ADAMTSL2: variants seen among roughly 807,000 people sequenced by gnomAD.
The protein encoded by ADAMTSL2 is ADAMTS-like protein 2.
Under a neutral mutation model 117.0 loss-of-function variants are expected in ADAMTSL2, and 55 were observed. The observed-to-expected ratio is 0.47, with a 90% CI of 0.38 to 0.59. The LOEUF (loss-of-function observed/expected upper bound fraction) is 0.59, where lower values mean the gene tolerates loss of function less well. ADAMTSL2 is among the 20% of genes least tolerant of loss of function. The pLI is 0.00. For synonymous variants in ADAMTSL2, 572 were observed against 566.4 expected, an observed-to-expected ratio of 1.01 and a Z score of -0.14; for missense variants, 1,182 against 1,354.5, an observed-to-expected ratio of 0.87 and a Z score of 2.00.
At chr9:133,541,490 T>C (rs564261883) in intron 7 of ADAMTSL2, among the ~76,000 whole-genome samples, 2 of 152,210 alleles carry the variant, frequency 1.3e-5, no homozygotes, top group Non-Finnish European at 2.9e-5. Context: ...GGTTTCACTA[T>C]GTTGGCCAGG....
At chr9:133,544,381 TCACCCTC>T (rs1830299309) in intron 7 of ADAMTSL2, 82 bp from the exon 8 acceptor site, 2 of 1,104,548 alleles carry the variant, frequency 1.8e-6, no homozygotes, top group Middle Eastern at 2.0e-4. Context: ...CAGCCACCGC[TCACCCTC>T]CAATAGCTGT....
chr9:133,572,983 C>A (rs1831145698), intron 17 of ADAMTSL2, among the ~76,000 whole-genome samples: 1 of 152,234 alleles, frequency 6.6e-6, no homozygotes, highest in Non-Finnish European at 1.5e-5. Context: ...GCCAGCCTCT[C>A]CTCGCCTGCA....
At chr9:133,567,137 C>G in intron 13 of ADAMTSL2, 75 bp downstream of exon 13, 2 of 1,534,076 alleles carry the variant, frequency 1.3e-6, no homozygotes, top group Non-Finnish European at 1.8e-6. Context: ...AGCAGTCAGA[C>G]TTACCCCCTG....
intron 13 of ADAMTSL2, among the ~76,000 whole-genome samples, chr9:133,567,749 G>A (rs1831007943): frequency 1.3e-5 from 2 of 152,232 alleles, no homozygotes; most frequent in African/African-American, 2.4e-5. Context: ...GGCTGGCCCG[G>A]GGGTGGGGTC....
At chr9:133,561,085 G>A in intron 11 of ADAMTSL2, 113 bp from the exon 12 acceptor site, 1 of 868,924 alleles carries the variant, frequency 1.2e-6, no homozygotes, top group East Asian at 2.6e-5. Flanking sequence ...CAGGACAGGT[G>A]TGTGCTTCAG....
chr9:133,558,985 CG>C lies in ADAMTSL2; in HGVS notation c.1650-2210del, dbSNP rs1346818523. On this transcript the variant is annotated intron_variant, in intron 11 of 18. Transcript: ENST00000651351. This position sits in a 1 kb window ranked among gnomAD's most constrained non-coding sequence, Gnocchi z 4.3. Reference sequence around the variant, plus strand: ...TAAAATCCAAAGGGTTATTTTGAACCGGGCCCGCTCTCTCTTGAGTCAGGCA... The same window carrying C: ...TAAAATCCAAAGGGTTATTTTGAACCGGCCCGCTCTCTCTTGAGTCAGGCA... Among the ~76,000 whole-genome samples the C allele has an allele frequency of 9.2e-5, 14 of 152,140 alleles. No homozygotes were observed. Among genetic ancestry groups the C allele is most frequent in the Non-Finnish European group, 1.3e-4 (9 of 68,032 alleles).
rs1000516152 is a variant in ADAMTSL2 at position 133,570,495 on chromosome 9, C to T, written c.2580C>T (p.Ser860=). 4.5e-5 allele frequency: 73 copies of T among 1,611,760 alleles called. No homozygotes were observed. The African/African-American group carries it at 9.3e-4, about 21-fold the overall frequency. The change falls in exon 17 of 19, where the codon AGC becomes AGT. Residue 860 remains serine, a synonymous_variant. Transcript: ENST00000651351. ...GGCCCTGCTTCAAGTGGTACACCAG[C>T]CCCTGGTCAGAGGTGAGCTCCCAGC... ...FERPCFKWYT[S]PWSECTKTCG...
At chr9:133,568,178 G>A in intron 13 of ADAMTSL2, 95 bp from the exon 14 acceptor site, 1 of 1,301,798 alleles carries the variant, frequency 7.7e-7, no homozygotes, top group Non-Finnish European at 1.1e-6. Flanking sequence ...CATAGGGGAG[G>A]AAGGGAGGAG....
intron 9 of ADAMTSL2, among the ~76,000 whole-genome samples, chr9:133,552,559 A>G (rs1830512489): frequency 6.6e-6 from 1 of 152,194 alleles, no homozygotes; most frequent in African/African-American, 2.4e-5. Flanking sequence ...GGGGAATGAA[A>G]TAGTTTCTGG....
Position 133,570,383 on chromosome 9 carries a change from A to G in ADAMTSL2, c.2468A>G (p.Glu823Gly). 7 of 1,564,234 alleles carry G rather than the reference A, an allele frequency of 4.5e-6. No individual in the cohort carries two copies. Among genetic ancestry groups the G allele is most frequent in the Non-Finnish European group, 6.1e-6 (7 of 1,156,024 alleles). Residue 823 changes from glutamate (E) to glycine (G), a missense_variant, in exon 17 of 19, where the codon GAG (glutamate) becomes GGG (glycine). Glu to Gly is a moderately conservative substitution (Grantham distance 98). Around this residue, in one of 3 missense-constraint regions of ADAMTSL2, gnomAD observed 465 missense variants for 565.3 expected, o/e 0.82. Transcript: ENST00000651351. Reference sequence around the variant, plus strand: ...AAGAAGCGGCTGGTGCTCTGCATGGAGCTGGCCAACGGGAAGCCGCAGACG... The same window carrying G: ...AAGAAGCGGCTGGTGCTCTGCATGGGGCTGGCCAACGGGAAGCCGCAGACG... ...GVKKRLVLCM[E>G]LANGKPQTRS...
intron 2 of ADAMTSL2, among the ~76,000 whole-genome samples, 175 bp from the exon 3 acceptor site, chr9:133,537,230 C>T (rs558718889): frequency 6.6e-6 from 1 of 152,316 alleles, no homozygotes; most frequent in Non-Finnish European, 1.5e-5. Flanking sequence ...GAGTTCCCCC[C>T]AGCGCCACCC....
At position 133,554,464 on chromosome 9, in the gene ADAMTSL2, C is replaced by G. The variant is rs969024836; in HGVS notation, c.1047C>G (p.Ser349Arg). The change falls in exon 10 of 19, where the codon AGC becomes AGG. Residue 349 changes from serine (S) to arginine (R), a missense_variant. Coordinates refer to ENST00000651351, the MANE Select transcript of ADAMTSL2 (RefSeq NM_014694.4). The surrounding 1 kb of genome is among the most constrained non-coding windows in gnomAD (Gnocchi z 5.2). ...CCATCTACTATGGCTTCTCCGAGAG[C>G]GCTGAGAGCCAGGGCCTGGACGGGG... ...PQPIYYGFSE[S>R]AESQGLDGAG... is the part of the protein sequence containing the mutation. 28 of 1,555,632 alleles carry G rather than the reference C, an allele frequency of 1.8e-5. No individual in the cohort carries two copies. In the South Asian group the frequency reaches 3.0e-4, roughly 16 times the overall value.
Position 133,555,565 on chromosome 9 carries a change from C to T in ADAMTSL2, c.1284C>T (p.Asn428=), listed in dbSNP as rs904398528. 46 of 1,613,068 alleles carry T rather than the reference C, an allele frequency of 2.9e-5. No individual in the cohort carries two copies. Among genetic ancestry groups the T allele is most frequent in the Admixed American group, 6.7e-5 (4 of 60,030 alleles). ...CACCTGTCTCCTCTCCAGACCGCAACGTCACGGGGACTCCTCTCACCGGGG... is the reference window on the plus strand; with the variant it reads ...CACCTGTCTCCTCTCCAGACCGCAATGTCACGGGGACTCCTCTCACCGGGG... ...PPRGKGFRDR[N]VTGTPLTGDK... is the part of the protein sequence containing the mutation. The change falls in exon 11 of 19, where the codon AAC becomes AAT. Residue 428 remains asparagine, a synonymous_variant. Transcript: ENST00000651351.
Position 133,574,898 on chromosome 9 carries a change from C to T in ADAMTSL2, c.*34C>T. ...GCTGCAGCCCCTTCCAGATGAAGAC[C>T]AAGCGCCCCTCCTGGGGCTGCTGCA... On this transcript the variant is annotated 3_prime_UTR_variant, in exon 19 of 19. Coordinates refer to ENST00000651351, the MANE Select transcript of ADAMTSL2 (RefSeq NM_014694.4). 1 of 1,551,612 alleles carries T rather than the reference C, an allele frequency of 6.4e-7. No homozygotes were observed. Among genetic ancestry groups the T allele is most frequent in the Non-Finnish European group, 8.9e-7 (1 of 1,124,628 alleles).
chr9:133,575,237 T>A lies in ADAMTSL2; in HGVS notation c.*373T>A. The A allele has an allele frequency of 3.7e-6, 1 of 271,576 alleles. No individual in the cohort carries two copies. The highest frequency in any genetic ancestry group is 4.9e-5 in the Admixed American group (1 of 20,316). The allele number at this position is 271,576 out of a possible 1,614,324, so 16.8% of individuals were successfully genotyped here. A position where few individuals can be genotyped will look rare whatever the true frequency, so the allele number is the denominator to read the frequency against. On this transcript the variant is annotated 3_prime_UTR_variant, in exon 19 of 19. Transcript: ENST00000651351. The stretch of plus-strand genomic sequence containing the variant: ...CCGGGCCCGTAGCCCACGCCCTCTC[T>A]GGGTGGCAGGGCCTTCTGAAGGAAA...
At chr9:133,541,080 C>G (rs1158966064) in intron 7 of ADAMTSL2, 79 bp downstream of exon 7, 1 of 1,549,936 alleles carries the variant, frequency 6.5e-7, no homozygotes, top group Non-Finnish European at 8.7e-7. Flanking sequence ...CTGTCTGCAG[C>G]CTCCTGTGTA....
rs2301608 is a variant in ADAMTSL2 at position 133,573,728 on chromosome 9, G to A, written c.2593-115G>A. ...GGGTCCTGTGTCAGTTGGGACTCAT[G>A]GCCGCCTGGGAAGGGTGGGGTGGGG... On this transcript the variant is annotated intron_variant, in intron 17 of 18. Transcript: ENST00000651351. 712,495 of 1,365,736 alleles carry A rather than the reference G, an allele frequency of 0.52. 193,551 individuals are homozygous for A. Among genetic ancestry groups the A allele is most frequent in the African/African-American group, 0.64 (44,976 of 69,970 alleles). 84.6% of individuals were successfully genotyped at this position (1,365,736 alleles called of 1,614,324 possible). A position where few individuals can be genotyped will look rare whatever the true frequency, so the allele number is the denominator to read the frequency against.
At chr9:133,547,476 C>G (rs35183588) in intron 9 of ADAMTSL2, among the ~76,000 whole-genome samples, 28 of 152,158 alleles carry the variant, frequency 1.8e-4, no homozygotes, top group Admixed American at 3.3e-4. Context: ...CTCATCAGTT[C>G]ATTAATTCAT....
chr9:133,556,932 G>A (rs1463755459), intron 11 of ADAMTSL2, among the ~76,000 whole-genome samples: 12 of 152,232 alleles, frequency 7.9e-5, no homozygotes, highest in African/African-American at 2.9e-4. Context: ...CAACTCACAT[G>A]TGCCTGGGGG....
Sources: gnomAD v4.1 joint callset for allele counts (sites outside exome capture counted in the v4.1 genomes callset) on GRCh38, gnomAD v4.1.1 for gene constraint, gnomAD v4.1.1 regional missense constraint, Gnocchi (gnomAD v3.1) non-coding constraint, MANE v1.5 for transcripts, NCBI Gene and HGNC (gene_info 2026-07-23, HGNC 2026-07-21) for gene names.